ADGRD1: variants seen among roughly 807,000 people sequenced by gnomAD.
ADGRD1 encodes the protein adhesion G protein-coupled receptor D1.
In ADGRD1, 77 loss-of-function variants were observed where a neutral mutation model predicts 113.4. The ratio of observed to expected loss-of-function variants is 0.68; its 90% CI spans 0.57 to 0.82. The LOEUF (loss-of-function observed/expected upper bound fraction) is 0.82. Ranked by LOEUF, ADGRD1 falls within the 40% of genes least tolerant of loss-of-function variation. ADGRD1 has a pLI of 0.00. For synonymous variants in ADGRD1, 474 were observed against 475.0 expected (o/e 1.00, Z 0.03); for missense variants, 1,036 against 1,139.1 (o/e 0.91, Z 1.30).
chr12:131,113,044 G>T lies in ADGRD1; in HGVS notation c.2041+4167G>T, dbSNP rs141627317. Among the ~76,000 whole-genome samples the T allele has an allele frequency of 6.6e-6, 1 of 152,168 alleles. No homozygotes were observed. The highest frequency in any genetic ancestry group is 1.9e-4 in the East Asian group (1 of 5,198). The stretch of plus-strand genomic sequence containing the variant: ...AGCCTGGGGAGATACCGTAGCCCTG[G>T]ACTGGGAGCTGGAGGGAGTGGAGCC... On this transcript the variant is annotated intron_variant, in intron 18 of 24. Transcript: ENST00000261654. The surrounding 1 kb of genome is among the most constrained non-coding windows in gnomAD (Gnocchi z 4.9).
intron 14 of ADGRD1, 107 bp downstream of exon 14, chr12:131,076,981 T>C: frequency 1.1e-6 from 1 of 934,762 alleles, no homozygotes; most frequent in Non-Finnish European, 1.8e-6. Flanking sequence ...GCAGCTGACA[T>C]GGTTGCGTTA....
Position 131,004,200 on chromosome 12 carries a change from A to G in ADGRD1, c.1159A>G (p.Lys387Glu). 1.2e-6 allele frequency: 2 copies of G among 1,613,160 alleles called. No homozygotes were observed. Among genetic ancestry groups the G allele is most frequent in the Non-Finnish European group, 1.7e-6 (2 of 1,179,286 alleles). ...SSAMAEFSVA[K>E]ILPKTVNSSH... ...TTCCACCGCAGAGTTTTCCGTGGCC[A>G]AAATCCTGCCCAAGACCGTGAATTC... Residue 387 changes from lysine to glutamate, a missense_variant, in exon 11 of 25, where the codon AAA (lysine) becomes GAA (glutamate). Physicochemically the swap from Lys to Glu is moderately conservative, Grantham distance 56. Transcript: ENST00000261654.
intron 13 of ADGRD1, among the ~76,000 whole-genome samples, chr12:131,036,910 C>T (rs539852794): frequency 1.2e-3 from 172 of 148,302 alleles, no homozygotes; most frequent in African/African-American, 4.2e-3. Context: ...TGCACTGAGC[C>T]TCACTCACTA....
intron 20 of ADGRD1, among the ~76,000 whole-genome samples, chr12:131,123,038 A>AGTTTT (rs1950637367): frequency 2.8e-4 from 10 of 35,386 alleles, no homozygotes; most frequent in Non-Finnish European, 4.1e-4. Flanking sequence ...TTACCTGGGG[A>AGTTTT]GTTTTTTTTT....
At chr12:131,078,408 T>A (rs1339999161) in intron 14 of ADGRD1, among the ~76,000 whole-genome samples, 3 of 152,238 alleles carry the variant, frequency 2.0e-5, no homozygotes, top group Non-Finnish European at 4.4e-5. Context: ...TGCTCTGTAA[T>A]TTCAGTGATT....
intron 2 of ADGRD1, among the ~76,000 whole-genome samples, chr12:130,961,085 G>T (rs1870299074): frequency 6.6e-6 from 1 of 152,208 alleles, no homozygotes; most frequent in Non-Finnish European, 1.5e-5. Context: ...ATTCCAGCTG[G>T]ACCAAGTCAG....
intron 13 of ADGRD1, among the ~76,000 whole-genome samples, chr12:131,056,804 C>T (rs553596870): frequency 5.9e-5 from 9 of 152,272 alleles, no homozygotes; most frequent in Non-Finnish European, 1.3e-4. Flanking sequence ...ACAAGAGATC[C>T]TTGTGTTGGA....
At chr12:131,073,798 G>A (rs549549238) in intron 13 of ADGRD1, among the ~76,000 whole-genome samples, 3 of 152,312 alleles carry the variant, frequency 2.0e-5, no homozygotes, top group African/African-American at 4.8e-5. Context: ...AGAGCGAGTC[G>A]AGCTTGCTTT....
At chr12:131,011,972 A>C (rs1032678965) in intron 12 of ADGRD1, among the ~76,000 whole-genome samples, 1 of 152,064 alleles carries the variant, frequency 6.6e-6, no homozygotes, top group Non-Finnish European at 1.5e-5. Context: ...GTCCCCCCCA[A>C]CTTTCTGCGG....
chr12:130,966,851 C>T lies in ADGRD1; in HGVS notation c.187+305C>T, dbSNP rs1871057786. 4 of 416,084 alleles carry T rather than the reference C, an allele frequency of 9.6e-6. No homozygotes were observed. Among genetic ancestry groups the T allele is most frequent in the South Asian group, 7.8e-5 (4 of 51,438 alleles). The allele number at this position is 416,084 out of a possible 1,614,324, so 25.8% of individuals were successfully genotyped here. On this transcript the variant is annotated intron_variant, in intron 3 of 24. Coordinates refer to ENST00000261654, the MANE Select transcript of ADGRD1 (RefSeq NM_198827.5). This position sits in a 1 kb window ranked among gnomAD's most constrained non-coding sequence, Gnocchi z 4.6. ...TGCCAGGCTGGTCTCAAGCTCCTGG[C>T]CTCAGCAATCCTCTGGCCTTGGCCT...
chr12:130,981,939 T>G lies in ADGRD1; in HGVS notation c.366T>G (p.Pro122=). The change falls in exon 5 of 25, where the codon CCT becomes CCG. Residue 122 remains proline, a synonymous_variant. Coordinates refer to ENST00000261654, the MANE Select transcript of ADGRD1 (RefSeq NM_198827.5). The stretch of plus-strand genomic sequence containing the variant: ...AAGGAGAACAGTCTAGACCAATCCC[T>G]TCTGCGTATGGGGGACAGGTCATCT... ...KTQGEQSRPI[P]SAYGGQVISN... 1 of 1,613,692 alleles carries G rather than the reference T, an allele frequency of 6.2e-7. No individual in the cohort carries two copies. The highest frequency in any genetic ancestry group is 8.5e-7 in the Non-Finnish European group (1 of 1,179,558).
At chr12:131,004,814 C>T (rs991691365) in intron 11 of ADGRD1, among the ~76,000 whole-genome samples, 1 of 152,200 alleles carries the variant, frequency 6.6e-6, no homozygotes, top group Non-Finnish European at 1.5e-5. Context: ...ATGAGAGGCT[C>T]AGGGGACCCC....
At chr12:130,975,300 A>T (rs1872182020) in intron 4 of ADGRD1, among the ~76,000 whole-genome samples, 1 of 152,114 alleles carries the variant, frequency 6.6e-6, no homozygotes, top group African/African-American at 2.4e-5. Context: ...ACGGCCGACG[A>T]TGGCCTGTCA....
At position 130,954,647 on chromosome 12, in the gene ADGRD1, G is replaced by T. The variant is rs748431281; in HGVS notation, c.90G>T (p.Ser30=). Residue 30 remains serine, a synonymous_variant, in exon 2 of 25, where the codon TCG becomes TCT. Transcript: ENST00000261654. The surrounding 1 kb of genome is among the most constrained non-coding windows in gnomAD (Gnocchi z 4.7). The part of the protein sequence containing the change: ...NFQVRGVYSR[S]QDHPGFQVLA... ...AGGTGCGTGGCGTCTACTCCAGATC[G>T]CAGGACCATCCAGGTAAGAGTGTTT... The T allele has an allele frequency of 6.2e-7, 1 of 1,613,330 alleles. No individual in the cohort carries two copies.
intron 19 of ADGRD1, 136 bp downstream of exon 19, chr12:131,118,587 C>A (rs375895498): frequency 3.3e-6 from 2 of 615,042 alleles, no homozygotes; most frequent in Non-Finnish European, 5.7e-6. Flanking sequence ...CAGGCCCAGC[C>A]GGTGAGAAAG....
At chr12:131,103,505 G>A (rs1347561818) in intron 15 of ADGRD1, among the ~76,000 whole-genome samples, 1 of 152,264 alleles carries the variant, frequency 6.6e-6, no homozygotes, top group Non-Finnish European at 1.5e-5. Context: ...GTTGAAGGCG[G>A]TGCTTGCTGA....
At chr12:131,033,470 G>C (rs1881033784) in intron 13 of ADGRD1, among the ~76,000 whole-genome samples, 2 of 152,250 alleles carry the variant, frequency 1.3e-5, no homozygotes, top group African/African-American at 4.8e-5. Context: ...GTGGCATGCA[G>C]GGTTGGGTTC....
intron 15 of ADGRD1, among the ~76,000 whole-genome samples, chr12:131,102,701 G>A (rs956106487): frequency 2.0e-5 from 3 of 152,190 alleles, no homozygotes; most frequent in Non-Finnish European, 4.4e-5. Context: ...AGGGGACATC[G>A]TGGCACCTGC....
At position 131,022,805 on chromosome 12, in the gene ADGRD1, G is replaced by A. The variant is rs1359648754; in HGVS notation, c.1473+8465G>A. ...GACAGGCGTGCTCATTTCTGCTGGA[G>A]CGTCACTGTTCTCAGTCCTCTCTCG... On this transcript the variant is annotated intron_variant, in intron 13 of 24. Transcript: ENST00000261654. This position sits in a 1 kb window ranked among gnomAD's most constrained non-coding sequence, Gnocchi z 4.6. 1.3e-5 allele frequency: 2 copies of A among 152,078 alleles called. No individual in the cohort carries two copies. Among genetic ancestry groups the A allele is most frequent in the South Asian group, 2.1e-4 (1 of 4,790 alleles). The allele number at this position is 152,078 out of a possible 1,614,324, so 9.4% of individuals were successfully genotyped here.
Sources: gnomAD v4.1 joint callset for allele counts (sites outside exome capture counted in the v4.1 genomes callset) on GRCh38, gnomAD v4.1.1 for gene constraint, Gnocchi (gnomAD v3.1) non-coding constraint, MANE v1.5 for transcripts, NCBI Gene and HGNC (gene_info 2026-07-23, HGNC 2026-07-21) for gene names.